Variants in P2RY14 observed in about 807,000 individuals in gnomAD.
The protein encoded by P2RY14 is purinergic receptor P2Y14.
In P2RY14, 2 loss-of-function variants were observed where a neutral mutation model predicts 0.9. The ratio of observed to expected loss-of-function variants is 2.16; its 90% confidence interval spans 0.88 to 6.79. The LOEUF (loss-of-function observed/expected upper bound fraction) is 6.79, where lower values mean the gene tolerates loss of function less well. Among genes scored for constraint, P2RY14 ranks in the 30% most tolerant of loss-of-function variants. P2RY14 has a pLI of 0.05. For missense variants in P2RY14, 378 were observed against 400.1 expected, an observed-to-expected ratio of 0.94 and a Z score of 0.47; for synonymous variants, 158 against 147.2, an observed-to-expected ratio of 1.07 and a Z score of -0.53.
At chr3:151,241,540 A>G (rs570396101) in intron 1 of P2RY14, among the ~76,000 whole-genome samples, 1 of 152,240 alleles carries the variant, frequency 6.6e-6, no homozygotes, top group East Asian at 1.9e-4. Flanking sequence ...GAGAGATGCA[A>G]ATGCTAGTCT....
Position 151,219,554 on chromosome 3 carries a change from A to G in P2RY14, c.-44T>C, listed in dbSNP as rs1377823404. ...AATTACCTTTTAAGATTTTTTTTGC[A>G]TAATATGAGGTCTCTTTTCAGTGAA... is the stretch of plus-strand genomic sequence containing the variant. On this transcript the variant is annotated 5_prime_UTR_variant, in exon 2 of 3. The change abolishes an upstream ATG in the 5' untranslated region. Transcript: ENST00000309170. The G allele has an allele frequency of 1.3e-5, 2 of 152,142 alleles. No homozygotes were observed. Among genetic ancestry groups the G allele is most frequent in the South Asian group, 2.1e-4 (1 of 4,830 alleles). 9.4% of individuals were successfully genotyped at this position (152,142 alleles called of 1,614,324 possible).
chr3:151,263,748 C>T (rs1348312687), intron 1 of P2RY14, among the ~76,000 whole-genome samples: 1 of 119,730 alleles, frequency 8.4e-6, no homozygotes, highest in Non-Finnish European at 1.7e-5. Context: ...GTTGGAATTC[C>T]TGGATTCCCG....
At chr3:151,214,718 C>T (rs1364008022) in intron 2 of P2RY14, among the ~76,000 whole-genome samples, 1 of 152,052 alleles carries the variant, frequency 6.6e-6, no homozygotes, top group African/African-American at 2.4e-5. Context: ...CTGAGAACTT[C>T]TAGGTAATAC....
At position 151,212,898 on chromosome 3, in the gene P2RY14, C is replaced by T. The variant is rs1415369168; in HGVS notation, c.*402G>A. ...TAGTCTTTAAGGACAGTGTTGAAAA[C>T]AATTACATACTAGATTCTGGTATTT... On this transcript the variant is annotated 3_prime_UTR_variant, in exon 3 of 3. Coordinates refer to ENST00000309170, the MANE Select transcript of P2RY14 (RefSeq NM_014879.4). 1 of 152,842 alleles carries T rather than the reference C, an allele frequency of 6.5e-6. No homozygotes were observed. Among genetic ancestry groups the T allele is most frequent in the East Asian group, 1.9e-4 (1 of 5,222 alleles). The allele number at this position is 152,842 out of a possible 1,614,324, so 9.5% of individuals were successfully genotyped here. A position where few individuals can be genotyped will look rare whatever the true frequency, so the allele number is the denominator to read the frequency against.
chr3:151,218,425 AT>A (rs1308884819), intron 2 of P2RY14, among the ~76,000 whole-genome samples: 10 of 152,236 alleles, frequency 6.6e-5, no homozygotes, highest in Non-Finnish European at 1.3e-4. Context: ...AGCCCTGCTC[AT>A]TGATAGTTAC....
chr3:151,237,059 T>C (rs974817307), intron 1 of P2RY14, among the ~76,000 whole-genome samples: 2 of 150,682 alleles, frequency 1.3e-5, no homozygotes, highest in African/African-American at 2.4e-5. Context: ...TTTTTTTTTT[T>C]TTTTTTTGAG....
chr3:151,264,349 T>C (rs1269754396), intron 1 of P2RY14, among the ~76,000 whole-genome samples: 1 of 152,252 alleles, frequency 6.6e-6, no homozygotes, highest in African/African-American at 2.4e-5. Flanking sequence ...CATGCCATCT[T>C]TTAAATGGAA....
At chr3:151,222,007 C>T (rs1418797186) in intron 1 of P2RY14, among the ~76,000 whole-genome samples, 1 of 152,252 alleles carries the variant, frequency 6.6e-6, no homozygotes. Flanking sequence ...GGGAACCCAC[C>T]TCTTGCATTG....
At chr3:151,249,868 C>A (rs1206899388) in intron 1 of P2RY14, among the ~76,000 whole-genome samples, 1 of 152,152 alleles carries the variant, frequency 6.6e-6, no homozygotes, top group Non-Finnish European at 1.5e-5. Flanking sequence ...AGGCCTGAGT[C>A]TCCTATACTC....
chr3:151,213,744 G>A lies in P2RY14; in HGVS notation c.573C>T (p.Phe191=), dbSNP rs767636237. The change falls in exon 3 of 3, where the codon TTC becomes TTT. Residue 191 remains phenylalanine (F), a synonymous_variant. Coordinates refer to ENST00000309170, the MANE Select transcript of P2RY14 (RefSeq NM_014879.4). ...GAAACACAATCCAGAAGATGGCCAC[G>A]AAGATGTAGTTTGATGCTTTGTGCC... ...RKWHKASNYI[F]VAIFWIVFLL... is the part of the protein sequence containing the mutation. 69 of 1,613,954 alleles carry A rather than the reference G, an allele frequency of 4.3e-5. 1 individual carries two copies. The highest frequency in any genetic ancestry group is 4.8e-5 in the Non-Finnish European group (57 of 1,179,952).
At chr3:151,261,490 A>G (rs1249547411) in intron 1 of P2RY14, 1 of 152,124 alleles carries the variant, frequency 6.6e-6, no homozygotes, top group Non-Finnish European at 1.5e-5. Flanking sequence ...TACTTCCGTT[A>G]GAGAGGTTGG....
At chr3:151,268,010 T>A (rs757883418) in intron 1 of P2RY14, among the ~76,000 whole-genome samples, 1 of 152,182 alleles carries the variant, frequency 6.6e-6, no homozygotes, top group Non-Finnish European at 1.5e-5. Flanking sequence ...TTTTTGCTCT[T>A]TTTAGTCTTA....
At chr3:151,222,687 A>G (rs1483982485) in intron 1 of P2RY14, among the ~76,000 whole-genome samples, 4 of 152,188 alleles carry the variant, frequency 2.6e-5, no homozygotes, top group African/African-American at 9.7e-5. Flanking sequence ...ATTCTCAAAT[A>G]TGTCTTTATC....
At chr3:151,226,115 A>G (rs1408377766) in intron 1 of P2RY14, among the ~76,000 whole-genome samples, 1 of 152,204 alleles carries the variant, frequency 6.6e-6, no homozygotes, top group East Asian at 1.9e-4. Flanking sequence ...AAGGTATGAC[A>G]TGGGGTCATC....
At chr3:151,246,292 A>T (rs1205564759) in intron 1 of P2RY14, among the ~76,000 whole-genome samples, 6 of 152,144 alleles carry the variant, frequency 3.9e-5, no homozygotes, top group Middle Eastern at 3.2e-3. Context: ...TATGGAACCA[A>T]AAAAGAGCCC....
intron 1 of P2RY14, among the ~76,000 whole-genome samples, chr3:151,244,505 T>C (rs1339748809): frequency 2.7e-5 from 4 of 148,154 alleles, no homozygotes; most frequent in Non-Finnish European, 6.0e-5. Flanking sequence ...AACAACCTGC[T>C]CCTGAATGAC....
chr3:151,245,181 AC>A (rs1044981614), intron 1 of P2RY14, among the ~76,000 whole-genome samples: 25 of 152,242 alleles, frequency 1.6e-4, no homozygotes, highest in Non-Finnish European at 2.5e-4. Context: ...GCTGAATTCT[AC>A]CAGAGGTATA....
At chr3:151,266,396 T>C (rs866979390) in intron 1 of P2RY14, among the ~76,000 whole-genome samples, 2 of 152,318 alleles carry the variant, frequency 1.3e-5, no homozygotes, top group Middle Eastern at 3.4e-3. Context: ...TACAGTATCA[T>C]CCAGATAGAA....
chr3:151,242,205 C>A (rs1734286548), intron 1 of P2RY14, among the ~76,000 whole-genome samples: 1 of 152,218 alleles, frequency 6.6e-6, no homozygotes, highest in Non-Finnish European at 1.5e-5. Flanking sequence ...GGAGGGGCGC[C>A]CGCCATTGCC....
Sources: allele counts gnomAD v4.1 joint callset (sites outside exome capture counted in the v4.1 genomes callset), GRCh38; gene constraint gnomAD v4.1.1; transcripts MANE v1.5; gene names NCBI Gene and HGNC (gene_info 2026-07-23, HGNC 2026-07-21).